CROT: variants seen among roughly 807,000 people sequenced by gnomAD.
The protein encoded by CROT is carnitine O-octanoyltransferase.
A neutral mutation model predicts 89.2 loss-of-function variants in CROT; 84 were observed. The ratio of observed to expected loss-of-function variants is 0.94; its 90% confidence interval spans 0.79 to 1.13. CROT has a LOEUF of 1.13. CROT is among the 50% of genes most tolerant of loss of function. The pLI is 0.00. For missense variants in CROT, 711 were observed against 727.8 expected (o/e 0.98, Z 0.27); for synonymous variants, 212 against 239.5 (o/e 0.89, Z 1.06).
At chr7:87,369,344 T>A (rs1806548084) in intron 6 of CROT, 32 bp from the exon 7 acceptor site, 1 of 1,474,192 alleles carries the variant, frequency 6.8e-7, no homozygotes, top group Non-Finnish European at 9.4e-7. Flanking sequence ...AACCTTAGAT[T>A]TGAGTCTTGT....
chr7:87,348,996 G>A (rs535344381), intron 2 of CROT, 52 bp from the exon 3 acceptor site: 22 of 737,812 alleles, frequency 3.0e-5, no homozygotes, highest in African/African-American at 2.3e-4. Flanking sequence ...CCTAGGATAC[G>A]TAACACTATC....
chr7:87,371,857 A>T (rs1267077033), intron 7 of CROT, among the ~76,000 whole-genome samples: 1 of 151,932 alleles, frequency 6.6e-6, no homozygotes, highest in Non-Finnish European at 1.5e-5. Flanking sequence ...TGGACATGAT[A>T]GTGCTACTTG....
In CROT at chr7:87,360,229, T is replaced by C. The variant is rs543501910; in HGVS notation, c.240+899T>C. The C allele has an allele frequency of 1.2e-5, 5 of 400,282 alleles. No homozygotes were observed. The East Asian group carries it at 8.1e-4, about 65-fold the overall frequency. 24.8% of individuals were successfully genotyped at this position (400,282 alleles called of 1,614,324 possible). A position where few individuals can be genotyped will look rare whatever the true frequency, so the allele number is the denominator to read the frequency against. Reference sequence around the variant, plus strand: ...TCCAGGTAATTTGATAAGATGTGCTTACTTATGCATGGAATTCAATTGCAT... The same window carrying C: ...TCCAGGTAATTTGATAAGATGTGCTCACTTATGCATGGAATTCAATTGCAT... On this transcript the variant is annotated intron_variant, in intron 4 of 17. Coordinates refer to ENST00000331536, the MANE Select transcript of CROT (RefSeq NM_021151.4).
chr7:87,376,125 T>C (rs756453010), intron 9 of CROT, among the ~76,000 whole-genome samples, 172 bp downstream of exon 9: 1 of 152,114 alleles, frequency 6.6e-6, no homozygotes, highest in Non-Finnish European at 1.5e-5. Flanking sequence ...AGTAAATTGG[T>C]AAATCCTTGC....
Position 87,361,734 on chromosome 7 carries a change from A to G in CROT, c.429A>G (p.Lys143=), listed in dbSNP as rs779775074. 1 of 1,575,618 alleles carries G rather than the reference A, an allele frequency of 6.3e-7. No homozygotes were observed. The highest frequency in any genetic ancestry group is 8.6e-7 in the Non-Finnish European group (1 of 1,166,698). The change falls in exon 6 of 18, where the codon AAA becomes AAG. Residue 143 remains lysine (K), a synonymous_variant. Coordinates refer to ENST00000331536, the MANE Select transcript of CROT (RefSeq NM_021151.4). ...LNYWQLLRKE[K]VPVHKVGNTP... ...AAAATCCTTTTTTTAATAGAGAAAA[A>G]GTGCCTGTTCATAAAGTTGGAAATA...
In CROT at chr7:87,382,425, C is replaced by A; in HGVS notation, c.1183C>A (p.Gln395Lys). Residue 395 changes from glutamine to lysine, a missense_variant, in exon 13 of 18, where the codon CAG (glutamine) becomes AAG (lysine). Transcript: ENST00000331536. ...TTCTTCTTGTTAGGCATCTGATCTACAGATTGCGGCTTATGCCTTTACATC... is the reference window on the plus strand; with the variant it reads ...TTCTTCTTGTTAGGCATCTGATCTAAAGATTGCGGCTTATGCCTTTACATC... The part of the protein sequence containing the change: ...AQYLREASDL[Q>K]IAAYAFTSFG... 3 of 1,613,130 alleles carry A rather than the reference C, an allele frequency of 1.9e-6. No homozygotes were observed. The highest frequency in any genetic ancestry group is 2.5e-6 in the Non-Finnish European group (3 of 1,179,630).
In CROT at chr7:87,392,842, T is replaced by G. The variant is rs1010780171; in HGVS notation, c.1598+19T>G. The G allele has an allele frequency of 6.2e-7, 1 of 1,610,902 alleles. No individual in the cohort carries two copies. Among genetic ancestry groups the G allele is most frequent in the Non-Finnish European group, 8.5e-7 (1 of 1,178,414 alleles). ...CCAAAAGGTAATATAGTGTAGTGTT[T>G]TACAGCTTCATCAATTGGCTTCCTC... is the stretch of plus-strand genomic sequence containing the variant. On this transcript the variant is annotated intron_variant, in intron 16 of 17. Coordinates refer to ENST00000331536, the MANE Select transcript of CROT (RefSeq NM_021151.4).
In CROT at chr7:87,345,694, G is replaced by C. The variant is rs189632578; in HGVS notation, c.-186G>C. On this transcript the variant is annotated 5_prime_UTR_variant, in exon 1 of 18. Transcript: ENST00000331536. ...AATTCCCGCACCTTTGAGGCCCAAG[G>C]GGGAGCGAGCCGGTGCTGCTGCAGG... 782 of 374,880 alleles carry C rather than the reference G, an allele frequency of 2.1e-3. 23 individuals carry two copies. The East Asian group carries it at 0.023, about 11-fold the overall frequency. 23.2% of individuals were successfully genotyped at this position (374,880 alleles called of 1,614,324 possible). A position where few individuals can be genotyped will look rare whatever the true frequency, so the allele number is the denominator to read the frequency against.
chr7:87,349,682 T>C (rs1805809479), intron 3 of CROT, among the ~76,000 whole-genome samples: 1 of 152,208 alleles, frequency 6.6e-6, no homozygotes, highest in Non-Finnish European at 1.5e-5. Flanking sequence ...AAATATCTTA[T>C]GACTGGGTCA....
chr7:87,347,189 T>C (rs1191664105), intron 2 of CROT, among the ~76,000 whole-genome samples: 1 of 152,194 alleles, frequency 6.6e-6, no homozygotes, highest in Non-Finnish European at 1.5e-5. Context: ...ATATCCCTAT[T>C]TTAAGGTCAG....
intron 13 of CROT, among the ~76,000 whole-genome samples, chr7:87,389,164 C>T (rs1271000807): frequency 6.6e-6 from 1 of 152,172 alleles, no homozygotes; most frequent in Non-Finnish European, 1.5e-5. Context: ...AATGCTTTTA[C>T]ACTGTTGGTG....
At chr7:87,392,523 T>A in intron 14 of CROT, 43 bp from the exon 15 acceptor site, 1 of 1,511,388 alleles carries the variant, frequency 6.6e-7, no homozygotes, top group Non-Finnish European at 9.2e-7. Flanking sequence ...TAGTTGGGTT[T>A]TGCACAGTGT....
At chr7:87,348,554 A>G (rs1044244924) in intron 2 of CROT, among the ~76,000 whole-genome samples, 2 of 152,146 alleles carry the variant, frequency 1.3e-5, no homozygotes, top group Non-Finnish European at 2.9e-5. Context: ...CTATCTACCC[A>G]CTAAGATTTA....
At chr7:87,355,491 G>GC (rs1293273014) in intron 3 of CROT, among the ~76,000 whole-genome samples, 1 of 151,928 alleles carries the variant, frequency 6.6e-6, no homozygotes, top group East Asian at 1.9e-4. Flanking sequence ...TTTTAAATAA[G>GC]CTCTAAATTA....
chr7:87,359,111 A>G (rs1806194444), intron 3 of CROT, 95 bp from the exon 4 acceptor site: 2 of 843,368 alleles, frequency 2.4e-6, no homozygotes, highest in East Asian at 2.5e-5. Flanking sequence ...TGTGTTTTAC[A>G]TATCTGAGTC....
chr7:87,348,088 C>T (rs1342967466), intron 2 of CROT, among the ~76,000 whole-genome samples: 4 of 152,106 alleles, frequency 2.6e-5, no homozygotes, highest in Non-Finnish European at 5.9e-5. Flanking sequence ...CTTTGTTTAG[C>T]GTTGCTATCA....
At chr7:87,349,009 T>G in intron 2 of CROT, 39 bp from the exon 3 acceptor site, 167 of 853,718 alleles carry the variant, frequency 2.0e-4, no homozygotes, top group Non-Finnish European at 3.0e-4. Context: ...ACACTATCTA[T>G]GAGATTGAAG....
At chr7:87,376,780 C>T (rs1189543026) in intron 9 of CROT, among the ~76,000 whole-genome samples, 4 of 151,916 alleles carry the variant, frequency 2.6e-5, no homozygotes, top group African/African-American at 9.7e-5. Flanking sequence ...TATATGCATG[C>T]AAACACATAT....
chr7:87,396,678 A>C (rs1228934337), intron 17 of CROT, among the ~76,000 whole-genome samples: 1 of 129,942 alleles, frequency 7.7e-6, no homozygotes, highest in Non-Finnish European at 1.6e-5. Context: ...TAAATGTATT[A>C]CATGCTGATT....
Sources: allele counts gnomAD v4.1 joint callset (sites outside exome capture counted in the v4.1 genomes callset), GRCh38; gene constraint gnomAD v4.1.1; transcripts MANE v1.5; gene names NCBI Gene and HGNC (gene_info 2026-07-23, HGNC 2026-07-21).